The following INPP4A variants were observed in gnomAD, a reference collection of about 807,000 sequenced individuals.
INPP4A encodes the protein inositol polyphosphate-4-phosphatase, type I, 107kD.
INPP4A carries 33 observed loss-of-function variants against 119.8 expected under a neutral mutation model. The ratio of observed to expected loss-of-function variants is 0.28; its 90% CI spans 0.21 to 0.37. The LOEUF (loss-of-function observed/expected upper bound fraction) is 0.37. Ranked by LOEUF, INPP4A falls within the 10% of genes least tolerant of loss-of-function variation. INPP4A has a pLI of 1.00. For missense variants in INPP4A, 956 were observed against 1,289.9 expected, an observed-to-expected ratio of 0.74 and a Z score of 3.97; for synonymous variants, 496 against 500.7, an observed-to-expected ratio of 0.99 and a Z score of 0.12.
At chr2:98,503,513 A>G (rs564692121) in intron 1 of INPP4A, among the ~76,000 whole-genome samples, 6 of 152,340 alleles carry the variant, frequency 3.9e-5, no homozygotes, top group Non-Finnish European at 8.8e-5. Context: ...CCAGATTTCA[A>G]GCTTCTTCCT....
At chr2:98,523,334 G>T (rs1466384856) in intron 4 of INPP4A, among the ~76,000 whole-genome samples, 1 of 151,994 alleles carries the variant, frequency 6.6e-6, no homozygotes, top group African/African-American at 2.4e-5. Context: ...AAAAAGTAAG[G>T]ATTAATTTTA....
intron 1 of INPP4A, among the ~76,000 whole-genome samples, chr2:98,446,720 C>A (rs973157071): frequency 6.6e-6 from 1 of 152,090 alleles, no homozygotes; most frequent in African/African-American, 2.4e-5. Context: ...TATTCTGTCT[C>A]AGGGTGTTTA....
At chr2:98,571,340 G>A (rs1245164271) in intron 22 of INPP4A, among the ~76,000 whole-genome samples, 2 of 152,248 alleles carry the variant, frequency 1.3e-5, no homozygotes, top group African/African-American at 4.8e-5. Context: ...TCTGACTGCT[G>A]TAGGGGAGAG....
chr2:98,473,534 G>A (rs879196701), intron 1 of INPP4A, among the ~76,000 whole-genome samples: 3 of 151,926 alleles, frequency 2.0e-5, no homozygotes, highest in Admixed American at 1.3e-4. Flanking sequence ...CAGTGTAGAG[G>A]GGCTGACACC....
At chr2:98,575,096 T>G (rs1698192355) in intron 23 of INPP4A, among the ~76,000 whole-genome samples, 1 of 152,244 alleles carries the variant, frequency 6.6e-6, no homozygotes, top group Admixed American at 6.5e-5. Context: ...AGAGCTGCTC[T>G]CCTTTTCAGG....
intron 1 of INPP4A, among the ~76,000 whole-genome samples, chr2:98,451,732 A>G (rs971405272): frequency 1.3e-5 from 2 of 152,044 alleles, no homozygotes; most frequent in African/African-American, 4.8e-5. Context: ...TGTTGCTTGC[A>G]TCTCTAAAGG....
At position 98,577,127 on chromosome 2, in the gene INPP4A, C is replaced by G. The variant is rs781556120; in HGVS notation, c.2770C>G (p.Leu924Val). 3.1e-6 allele frequency: 5 copies of G among 1,611,644 alleles called. No individual in the cohort carries two copies. Among genetic ancestry groups the G allele is most frequent in the East Asian group, 2.2e-5 (1 of 44,786 alleles). The change falls in exon 24 of 25, where the codon CTG becomes GTG. Residue 924 changes from leucine (L) to valine (V), a missense_variant. Physicochemically the swap from Leu to Val is conservative, Grantham distance 32. Transcript: ENST00000409851. Reference protein sequence around the residue: ...GMAPQVFTQALECMRSEGCRR... With the variant: ...GMAPQVFTQAVECMRSEGCRR... ...GGCCCCGCAGGTCTTCACCCAGGCC[C>G]TGGAGTGCATGCGCAGGTGAGTGCC... is the stretch of plus-strand genomic sequence containing the variant.
chr2:98,463,913 C>A (rs1674162889), intron 1 of INPP4A, among the ~76,000 whole-genome samples: 1 of 152,186 alleles, frequency 6.6e-6, no homozygotes. Context: ...CCCTTGTCTC[C>A]TGCCTGATAG....
rs1275188950 is a variant in INPP4A, at chr2:98,467,132, G to GGGT, written c.-166+22061_-166+22063dup. On this transcript the variant is annotated intron_variant, in intron 1 of 24. Coordinates refer to ENST00000409851, the MANE Select transcript of INPP4A (RefSeq NM_001134225.2). ...ATGGCGAGAGAGGAAGGAAGGGAGC[G>GGGT]GGTGGTGGTGGTGGTGTCCCAGGCT... Among the ~76,000 whole-genome samples, 11 of 152,092 alleles carry GGGT rather than the reference G, an allele frequency of 7.2e-5. No individual in the cohort carries two copies. The East Asian group carries it at 2.1e-3, about 29-fold the overall frequency.
chr2:98,536,265 G>A (rs527285270), intron 7 of INPP4A, 57 bp downstream of exon 7: 25 of 1,078,372 alleles, frequency 2.3e-5, no homozygotes, highest in African/African-American at 4.6e-5. Flanking sequence ...TCCAGGGACA[G>A]ATGGGGAAAG....
At chr2:98,484,344 C>T (rs537427184) in intron 1 of INPP4A, among the ~76,000 whole-genome samples, 3 of 152,296 alleles carry the variant, frequency 2.0e-5, no homozygotes, top group East Asian at 1.9e-4. Flanking sequence ...TGTTCTGGTT[C>T]CCTCTCCTCC....
intron 18 of INPP4A, among the ~76,000 whole-genome samples, chr2:98,564,134 T>G (rs916004251): frequency 2.3e-4 from 35 of 152,158 alleles, no homozygotes; most frequent in African/African-American, 8.0e-4. Flanking sequence ...ATTAGTAAAG[T>G]GAACAGTGAT....
At chr2:98,498,547 G>A (rs1682500167) in intron 1 of INPP4A, among the ~76,000 whole-genome samples, 1 of 151,800 alleles carries the variant, frequency 6.6e-6, no homozygotes, top group Admixed American at 6.6e-5. Flanking sequence ...CTGGCTCTTG[G>A]CCTCTCACTG....
chr2:98,541,381 C>T (rs969294157), intron 10 of INPP4A, among the ~76,000 whole-genome samples: 11 of 151,834 alleles, frequency 7.2e-5, no homozygotes, highest in African/African-American at 2.7e-4. Flanking sequence ...TATCTTTCAC[C>T]TAAAATCACC....
Position 98,506,013 on chromosome 2 carries a change from A to C in INPP4A, c.-165-12951A>C, listed in dbSNP as rs1683981391. ...CAGCTTAATTTAAGAAAAGAAAATCAAACATGAATGATACAAAAAAGAATC... is the reference window on the plus strand; with the variant it reads ...CAGCTTAATTTAAGAAAAGAAAATCCAACATGAATGATACAAAAAAGAATC... On this transcript the variant is annotated intron_variant, in intron 1 of 24. Transcript: ENST00000409851. Among the ~76,000 whole-genome samples the C allele has an allele frequency of 2.0e-5, 3 of 149,706 alleles. No individual in the cohort carries two copies. The South Asian group carries it at 6.2e-4, about 31-fold the overall frequency.
At chr2:98,522,893 C>T (rs918875013) in intron 4 of INPP4A, among the ~76,000 whole-genome samples, 2 of 152,214 alleles carry the variant, frequency 1.3e-5, no homozygotes, top group East Asian at 3.8e-4. Context: ...CCAGAATTCT[C>T]TGCCCAACCA....
At chr2:98,543,564 G>A (rs77437705) in intron 10 of INPP4A, among the ~76,000 whole-genome samples, 1,738 of 152,274 alleles carry the variant, frequency 0.011, 39 homozygotes, top group African/African-American at 0.04. Flanking sequence ...GGTCGTCAGG[G>A]TAAAGCTTCT....
intron 1 of INPP4A, among the ~76,000 whole-genome samples, chr2:98,479,252 G>A (rs1677908128): frequency 6.6e-6 from 1 of 152,120 alleles, no homozygotes; most frequent in Non-Finnish European, 1.5e-5. Context: ...AGGTGCTCCT[G>A]TCCCCATTTG....
chr2:98,519,914 C>T (rs865987791), intron 2 of INPP4A, 32 bp from the exon 3 acceptor site: 1 of 693,050 alleles, frequency 1.4e-6, no homozygotes, highest in African/African-American at 1.8e-5. Flanking sequence ...ATCACCGTCC[C>T]CATGGTTTCT....
Sources: allele counts gnomAD v4.1 joint callset (sites outside exome capture counted in the v4.1 genomes callset), GRCh38; gene constraint gnomAD v4.1.1; transcripts MANE v1.5; gene names NCBI Gene and HGNC (gene_info 2026-07-23, HGNC 2026-07-21).